PAPPA: variants seen among roughly 807,000 people sequenced by gnomAD.
The protein encoded by PAPPA is pappalysin 1.
Under a neutral mutation model 164.0 loss-of-function variants are expected in PAPPA, and 60 were observed. The ratio of observed to expected loss-of-function variants is 0.37; its 90% CI spans 0.30 to 0.45. PAPPA has a LOEUF of 0.45. Among genes scored for constraint, PAPPA ranks in the 20% least tolerant of loss-of-function variants. PAPPA has a pLI of 1.00. For synonymous variants in PAPPA, 875 were observed against 814.1 expected (o/e 1.07, Z -1.27); for missense variants, 1,782 against 2,087.3 (o/e 0.85, Z 2.85).
intron 10 of PAPPA, among the ~76,000 whole-genome samples, chr9:116,312,402 A>C (rs1010322898): frequency 6.6e-6 from 1 of 151,930 alleles, no homozygotes; most frequent in African/African-American, 2.4e-5. Context: ...AAACATGTAA[A>C]AAATGTAAAC....
At chr9:116,198,683 G>A (rs1844135228) in intron 2 of PAPPA, among the ~76,000 whole-genome samples, 1 of 152,186 alleles carries the variant, frequency 6.6e-6, no homozygotes, top group South Asian at 2.1e-4. Context: ...TGTTAACCTA[G>A]TGAGTGTAGC....
intron 17 of PAPPA, among the ~76,000 whole-genome samples, chr9:116,355,584 G>C (rs149494274): frequency 2.6e-5 from 4 of 152,330 alleles, no homozygotes; most frequent in African/African-American, 9.6e-5. Context: ...CTTGCAGGCT[G>C]ATCAGCTTCC....
In PAPPA at chr9:116,211,674, C is replaced by T. The variant is rs1281058055; in HGVS notation, c.1660C>T (p.Pro554Ser). Residue 554 changes from proline (P) to serine (S), a missense_variant, in exon 4 of 22, where the codon CCT becomes TCT. By Grantham distance (74) the Pro-to-Ser change is moderately conservative. Coordinates refer to ENST00000328252, the MANE Select transcript of PAPPA (RefSeq NM_002581.5). ...IVLNPSFYGM[P>S]GHTHTMIHEI... is the part of the protein sequence containing the mutation. Reference sequence around the variant, plus strand: ...CTTGAACCCATCTTTCTATGGCATGCCTGGGCACACCCACACCATGATCCA... The same window carrying T: ...CTTGAACCCATCTTTCTATGGCATGTCTGGGCACACCCACACCATGATCCA... The T allele has an allele frequency of 6.2e-7, 1 of 1,613,964 alleles. No homozygotes were observed. The highest frequency in any genetic ancestry group is 1.3e-5 in the African/African-American group (1 of 74,902).
chr9:116,240,767 G>A (rs1844726789), intron 7 of PAPPA, among the ~76,000 whole-genome samples: 1 of 152,210 alleles, frequency 6.6e-6, no homozygotes, highest in South Asian at 2.1e-4. Context: ...GCTGGGGTCT[G>A]TAAGTAGATC....
intron 21 of PAPPA, among the ~76,000 whole-genome samples, chr9:116,384,775 C>G (rs1021783527): frequency 6.6e-6 from 1 of 151,800 alleles, no homozygotes; most frequent in Non-Finnish European, 1.5e-5. Context: ...ACAATATTAT[C>G]TATTTTCTTC....
At chr9:116,169,282 G>C (rs1176425415) in intron 1 of PAPPA, among the ~76,000 whole-genome samples, 1 of 143,522 alleles carries the variant, frequency 7.0e-6, no homozygotes, top group Non-Finnish European at 1.5e-5. Context: ...CTTCCATGTG[G>C]CTGTCCTTCG....
intron 7 of PAPPA, among the ~76,000 whole-genome samples, chr9:116,236,586 CA>C (rs35004875): frequency 0.046 from 3,938 of 84,756 alleles, 66 homozygotes; most frequent in Middle Eastern, 0.13. Context: ...AACTCCATCT[CA>C]AAAAAAAAAA....
intron 2 of PAPPA, among the ~76,000 whole-genome samples, chr9:116,194,779 C>A (rs772494138): frequency 1.3e-5 from 2 of 152,132 alleles, no homozygotes; most frequent in African/African-American, 4.8e-5. Flanking sequence ...CATGTGGACA[C>A]CATATCCTCC....
At position 116,299,198 on chromosome 9, in the gene PAPPA, A is replaced by G. The variant is rs563519303; in HGVS notation, c.2954-3559A>G. On this transcript the variant is annotated intron_variant, in intron 9 of 21. Coordinates refer to ENST00000328252, the MANE Select transcript of PAPPA (RefSeq NM_002581.5). Reference sequence around the variant, plus strand: ...AGAGACTCACAATAGCTTTGTCAGCAGAATCTTGGAGAAGAAACTGCATCT... The same window carrying G: ...AGAGACTCACAATAGCTTTGTCAGCGGAATCTTGGAGAAGAAACTGCATCT... Among the ~76,000 whole-genome samples the G allele has an allele frequency of 4.8e-4, 73 of 152,326 alleles. 1 individual carries two copies. Among genetic ancestry groups the G allele is most frequent in the African/African-American group, 1.7e-3 (69 of 41,592 alleles).
At position 116,285,176 on chromosome 9, in the gene PAPPA, T is replaced by C. The variant is rs866553011; in HGVS notation, c.2953+13760T>C. Among the ~76,000 whole-genome samples, 1,266 of 138,872 alleles carry C rather than the reference T, an allele frequency of 9.1e-3. 3 individuals carry two copies. Among genetic ancestry groups the C allele is most frequent in the South Asian group, 0.028 (116 of 4,144 alleles). 91.1% of individuals were successfully genotyped at this position (138,872 alleles called of 152,430 possible). A position where few individuals can be genotyped will look rare whatever the true frequency, so the allele number is the denominator to read the frequency against. ...TCTTTTTCTTTTCTTTCTTTCTTTT[T>C]TTTTTTTTTTTTTTGACAGATTCTC... On this transcript the variant is annotated intron_variant, in intron 9 of 21. Coordinates refer to ENST00000328252, the MANE Select transcript of PAPPA (RefSeq NM_002581.5).
chr9:116,213,083 T>C (rs1169510224), intron 4 of PAPPA, among the ~76,000 whole-genome samples: 1 of 152,194 alleles, frequency 6.6e-6, no homozygotes, highest in African/African-American at 2.4e-5. Flanking sequence ...TGGGTGGCTT[T>C]TACACTCTGT....
At chr9:116,208,401 C>A (rs892380762) in intron 3 of PAPPA, among the ~76,000 whole-genome samples, 1 of 152,096 alleles carries the variant, frequency 6.6e-6, no homozygotes, top group Non-Finnish European at 1.5e-5. Flanking sequence ...GAAGTCTTAT[C>A]CTTAACTTCC....
chr9:116,353,801 T>C lies in PAPPA; in HGVS notation c.4347+8T>C. The stretch of plus-strand genomic sequence containing the variant: ...GACAGTGATGCCTCCCAGGTAAGCC[T>C]CCTGGAACTTGAGATTGATACCATG... On this transcript the variant is annotated splice_region_variant and intron_variant, in intron 17 of 21. Transcript: ENST00000328252. 6.2e-7 allele frequency: 1 copy of C among 1,606,568 alleles called. No homozygotes were observed. Among genetic ancestry groups the C allele is most frequent in the Non-Finnish European group, 8.5e-7 (1 of 1,174,794 alleles).
At chr9:116,178,240 G>A (rs977324685) in intron 1 of PAPPA, among the ~76,000 whole-genome samples, 9 of 152,060 alleles carry the variant, frequency 5.9e-5, no homozygotes, top group African/African-American at 1.9e-4. Flanking sequence ...CTGAGTAGCT[G>A]GGATTACAGG....
intron 7 of PAPPA, among the ~76,000 whole-genome samples, chr9:116,243,387 G>C (rs1003927901): frequency 6.6e-6 from 1 of 152,160 alleles, no homozygotes. Context: ...CTACCATCTA[G>C]TGAAAACTTC....
intron 2 of PAPPA, among the ~76,000 whole-genome samples, chr9:116,195,419 C>G (rs1233787597): frequency 6.6e-6 from 1 of 152,138 alleles, no homozygotes; most frequent in Non-Finnish European, 1.5e-5. Context: ...CTATGAGGAA[C>G]AGTAGAAGAT....
intron 7 of PAPPA, among the ~76,000 whole-genome samples, chr9:116,251,840 T>G (rs1844863625): frequency 6.6e-6 from 1 of 152,218 alleles, no homozygotes; most frequent in Non-Finnish European, 1.5e-5. Context: ...GTGTGGAGTT[T>G]CCTCCAAACT....
intron 9 of PAPPA, among the ~76,000 whole-genome samples, chr9:116,278,013 A>G (rs537345119): frequency 1.1e-4 from 17 of 152,320 alleles, no homozygotes; most frequent in Middle Eastern, 3.4e-3. Context: ...CAGAAACCCT[A>G]TGAGATAAAT....
chr9:116,349,619 T>C (rs1005128304), intron 15 of PAPPA, among the ~76,000 whole-genome samples: 1 of 152,202 alleles, frequency 6.6e-6, no homozygotes, highest in Non-Finnish European at 1.5e-5. Context: ...GTAATAAAAA[T>C]AAGTACCTCT....
Sources: allele counts gnomAD v4.1 joint callset (sites outside exome capture counted in the v4.1 genomes callset), GRCh38; gene constraint gnomAD v4.1.1; transcripts MANE v1.5; gene names NCBI Gene and HGNC (gene_info 2026-07-23, HGNC 2026-07-21).